TASP1: variants seen among roughly 807,000 people sequenced by gnomAD.
The protein encoded by TASP1 is threonine aspartase 1.
TASP1 carries 16 observed loss-of-function variants against 56.6 expected under a neutral mutation model. That is an observed-to-expected ratio of 0.28 (90% CI 0.19 to 0.43). TASP1 has a LOEUF of 0.43. TASP1 is among the 20% of genes least tolerant of loss of function. The pLI is 1.00. For synonymous variants in TASP1, 179 were observed against 184.2 expected (o/e 0.97, Z 0.23); for missense variants, 393 against 511.6 (o/e 0.77, Z 2.24).
At chr20:13,636,292 C>T (rs2049305382) in intron 1 of TASP1, among the ~76,000 whole-genome samples, 1 of 151,028 alleles carries the variant, frequency 6.6e-6, no homozygotes, top group Admixed American at 6.6e-5. Context: ...ATTACAGGCG[C>T]AGGCCACCAT....
intron 13 of TASP1, among the ~76,000 whole-genome samples, chr20:13,407,848 C>A (rs2041976045): frequency 6.6e-6 from 1 of 152,084 alleles, no homozygotes; most frequent in Admixed American, 6.5e-5. Context: ...AGCATCTTTT[C>A]CTGTACTTAC....
chr20:13,380,927 C>A, the TASP1 span, among the ~76,000 whole-genome samples: 6,701 of 152,254 alleles, frequency 0.044, 279 homozygotes, highest in African/African-American at 0.11. Context: ...GCCCCTCCCC[C>A]CTCCAAGCTC....
the TASP1 span, among the ~76,000 whole-genome samples, chr20:13,356,196 G>A: frequency 6.6e-6 from 1 of 152,174 alleles, no homozygotes; most frequent in South Asian, 2.1e-4. Flanking sequence ...CCATTGAGAT[G>A]TTAATGTCTT....
chr20:13,516,571 T>G (rs1330513652), intron 10 of TASP1, among the ~76,000 whole-genome samples: 1 of 151,970 alleles, frequency 6.6e-6, no homozygotes, highest in Non-Finnish European at 1.5e-5. Flanking sequence ...GGAAAAGGCA[T>G]TCTTTCAAGT....
chr20:13,155,116 G>A, the TASP1 span, among the ~76,000 whole-genome samples: 3 of 152,202 alleles, frequency 2.0e-5, no homozygotes, highest in South Asian at 4.1e-4. Context: ...AGGAGGCAGA[G>A]GTTGCATGAG....
At chr20:13,159,491 C>T in the TASP1 span, among the ~76,000 whole-genome samples, 1 of 152,142 alleles carries the variant, frequency 6.6e-6, no homozygotes, top group Non-Finnish European at 1.5e-5. Flanking sequence ...TACAGACCCT[C>T]TGATCTTGGT....
chr20:13,170,763 G>T, the TASP1 span, among the ~76,000 whole-genome samples: 1 of 152,134 alleles, frequency 6.6e-6, no homozygotes, highest in Non-Finnish European at 1.5e-5. Flanking sequence ...GATAGGTCTG[G>T]CTCCAATCAT....
the TASP1 span, among the ~76,000 whole-genome samples, chr20:13,157,837 G>A: frequency 8.5e-5 from 13 of 152,094 alleles, no homozygotes; most frequent in Non-Finnish European, 1.3e-4. Flanking sequence ...TTTTGAAATA[G>A]GGCGTTAATT....
the TASP1 span, among the ~76,000 whole-genome samples, chr20:13,223,137 A>G: frequency 3.3e-5 from 5 of 151,738 alleles, no homozygotes; most frequent in South Asian, 1.0e-3. Flanking sequence ...AGCCTGGGCG[A>G]CAGAGCGAGA....
intron 8 of TASP1, among the ~76,000 whole-genome samples, chr20:13,539,643 A>T (rs1244746140): frequency 6.6e-6 from 1 of 152,248 alleles, no homozygotes; most frequent in African/African-American, 2.4e-5. Flanking sequence ...AGGTTAAAAT[A>T]AAAATAACGT....
the TASP1 span, among the ~76,000 whole-genome samples, chr20:13,116,533 T>C: frequency 2.0e-5 from 3 of 152,158 alleles, no homozygotes; most frequent in African/African-American, 7.2e-5. Flanking sequence ...TAGACTACAT[T>C]TTTTTCCCTT....
chr20:13,469,963 C>CA (rs1415622924), intron 11 of TASP1, among the ~76,000 whole-genome samples: 1 of 151,694 alleles, frequency 6.6e-6, no homozygotes, highest in Non-Finnish European at 1.5e-5. Flanking sequence ...CACCTGACAC[C>CA]ATGCCTGGCT....
chr20:13,554,316 T>C (rs1163684463), intron 8 of TASP1, among the ~76,000 whole-genome samples: 1 of 152,194 alleles, frequency 6.6e-6, no homozygotes, highest in Admixed American at 6.5e-5. Flanking sequence ...AGGTTTTCCA[T>C]TGTTTGCAGC....
chr20:13,394,336 T>C (rs931775683), intron 13 of TASP1, among the ~76,000 whole-genome samples: 13 of 125,042 alleles, frequency 1.0e-4, no homozygotes, highest in South Asian at 7.2e-4. Context: ...AAAGGCCTGG[T>C]GCGGTAGCTC....
chr20:13,454,883 C>T (rs536462803), intron 11 of TASP1, among the ~76,000 whole-genome samples: 1 of 152,200 alleles, frequency 6.6e-6, no homozygotes, highest in South Asian at 2.1e-4. Context: ...GCAGGATCTA[C>T]TTTATAGCTT....
At chr20:13,154,061 G>A in the TASP1 span, 1 of 1,614,154 alleles carries the variant, frequency 6.2e-7, no homozygotes, top group Non-Finnish European at 8.5e-7. Flanking sequence ...AAAGACTGCA[G>A]GAAATGGGAT....
chr20:13,554,407 A>T (rs1330392038), intron 8 of TASP1, among the ~76,000 whole-genome samples: 1 of 71,090 alleles, frequency 1.4e-5, no homozygotes, highest in African/African-American at 3.7e-5. Context: ...AAAGAAAACA[A>T]GAGCGCTCTA....
intron 1 of TASP1, among the ~76,000 whole-genome samples, chr20:13,632,094 G>A (rs1191456269): frequency 2.0e-5 from 3 of 147,918 alleles, no homozygotes; most frequent in Non-Finnish European, 4.5e-5. Flanking sequence ...GCCGGGCACA[G>A]TGACTCACGC....
the TASP1 span, among the ~76,000 whole-genome samples, chr20:13,295,080 C>T: frequency 9.4e-3 from 1,438 of 152,224 alleles, 24 homozygotes; most frequent in African/African-American, 0.033. Flanking sequence ...GTGTGATTTC[C>T]ACCCACACCA....
Sources: gnomAD v4.1 joint callset for allele counts (sites outside exome capture counted in the v4.1 genomes callset) on GRCh38, gnomAD v4.1.1 for gene constraint, MANE v1.5 for transcripts, NCBI Gene and HGNC (gene_info 2026-07-23, HGNC 2026-07-21) for gene names.